Variants in MYT1L observed in about 807,000 individuals in gnomAD.
MYT1L encodes myelin transcription factor 1 like.
In MYT1L, 12 loss-of-function variants were observed where a neutral mutation model predicts 126.7. The observed-to-expected ratio is 0.09, with a 90% CI of 0.06 to 0.15. The LOEUF (loss-of-function observed/expected upper bound fraction) is 0.15. Among genes scored for constraint, MYT1L ranks in the 10% least tolerant of loss-of-function variants. MYT1L has a pLI of 1.00. For synonymous variants in MYT1L, 541 were observed against 604.2 expected, an observed-to-expected ratio of 0.90 and a Z score of 1.53; for missense variants, 979 against 1,585.2, an observed-to-expected ratio of 0.62 and a Z score of 6.49.
In MYT1L at chr2:1,903,113, T is replaced by C; in HGVS notation, c.1999A>G (p.Thr667Ala). Residue 667 changes from threonine to alanine, a missense_variant, in exon 14 of 25, where the codon ACC (threonine) becomes GCC (alanine). This residue lies in a region of MYT1L where 82 missense variants were observed against 177.2 expected (regional missense o/e 0.46). Coordinates refer to ENST00000647738, the MANE Select transcript of MYT1L (RefSeq NM_001303052.2). ...GKRAIAPKVQ[T>A]RDISPKGYDD... ...TATCCTTTGGGGGATATATCCCTGG[T>C]TTGCACCTTGGGAGCTATGGCTCGC... 5.6e-6 allele frequency: 9 copies of C among 1,614,020 alleles called. No homozygotes were observed. Among genetic ancestry groups the C allele is most frequent in the Non-Finnish European group, 6.8e-6 (8 of 1,179,878 alleles).
At chr2:2,107,724 G>A (rs2150543444) in intron 3 of MYT1L, among the ~76,000 whole-genome samples, 1 of 152,276 alleles carries the variant, frequency 6.6e-6, no homozygotes, top group Non-Finnish European at 1.5e-5. Context: ...AATGGGCTGT[G>A]TTTAATTTGT....
intron 3 of MYT1L, among the ~76,000 whole-genome samples, chr2:2,099,893 C>G (rs915657568): frequency 1.3e-5 from 2 of 152,152 alleles, no homozygotes; most frequent in Non-Finnish European, 2.9e-5. Context: ...GGGAGGCTTG[C>G]CAATTATTAA....
intron 3 of MYT1L, among the ~76,000 whole-genome samples, chr2:2,087,578 C>T (rs2076482684): frequency 6.6e-6 from 1 of 152,158 alleles, no homozygotes; most frequent in Admixed American, 6.5e-5. Flanking sequence ...GCAAGGTTGG[C>T]TTTTCAAAAG....
intron 3 of MYT1L, among the ~76,000 whole-genome samples, chr2:2,136,237 T>C (rs2083038625): frequency 6.6e-6 from 1 of 152,220 alleles, no homozygotes; most frequent in Non-Finnish European, 1.5e-5. Flanking sequence ...GAGCAGCCAA[T>C]TTGTTCTTTC....
chr2:2,100,372 A>C (rs2077917817), intron 3 of MYT1L, among the ~76,000 whole-genome samples: 1 of 152,072 alleles, frequency 6.6e-6, no homozygotes, highest in Non-Finnish European at 1.5e-5. Context: ...ATTTTTTTCT[A>C]AACTTTACCT....
chr2:1,861,490 C>G (rs11683007), intron 18 of MYT1L, among the ~76,000 whole-genome samples: 22,668 of 151,352 alleles, frequency 0.15, 2,112 homozygotes, highest in East Asian at 0.34. Context: ...TCTTGTTTGC[C>G]TGGTTTGTGA....
chr2:2,144,413 G>C (rs1449793962), intron 3 of MYT1L, among the ~76,000 whole-genome samples: 1 of 152,182 alleles, frequency 6.6e-6, no homozygotes, highest in East Asian at 1.9e-4. Context: ...CCTCCATATT[G>C]TGTGCTGGAA....
intron 21 of MYT1L, among the ~76,000 whole-genome samples, chr2:1,823,897 T>G (rs561357071): frequency 1.3e-5 from 2 of 152,224 alleles, no homozygotes; most frequent in Admixed American, 1.3e-4. Context: ...GAGCCAAACT[T>G]CAAGAGCTGA....
chr2:2,312,864 T>A (rs1456607797), intron 1 of MYT1L, among the ~76,000 whole-genome samples: 1 of 151,816 alleles, frequency 6.6e-6, no homozygotes, highest in Non-Finnish European at 1.5e-5. Flanking sequence ...AAAGGGGGGT[T>A]CTGGCCAGAA....
chr2:1,956,718 T>C (rs1462441579), intron 8 of MYT1L, among the ~76,000 whole-genome samples: 1 of 152,184 alleles, frequency 6.6e-6, no homozygotes, highest in African/African-American at 2.4e-5. Context: ...ACTTGACAAG[T>C]TGACAAGTTG....
chr2:2,241,294 T>A (rs2094436490), intron 2 of MYT1L, among the ~76,000 whole-genome samples: 1 of 151,926 alleles, frequency 6.6e-6, no homozygotes, highest in South Asian at 2.1e-4. Flanking sequence ...TGTGTGTGTG[T>A]GATACATCCA....
intron 24 of MYT1L, 147 bp from the exon 25 acceptor site, chr2:1,792,154 C>T: frequency 8.2e-7 from 1 of 1,221,656 alleles, no homozygotes; most frequent in Non-Finnish European, 1.1e-6. Context: ...TTTCTGGGGT[C>T]AGCCCCGCCC....
At chr2:2,239,168 C>T (rs1377333430) in intron 2 of MYT1L, among the ~76,000 whole-genome samples, 1 of 152,246 alleles carries the variant, frequency 6.6e-6, no homozygotes, top group Non-Finnish European at 1.5e-5. Context: ...AGTTTAGAGC[C>T]ACCCCCAGCT....
chr2:1,951,467 A>G (rs917409718), intron 8 of MYT1L, among the ~76,000 whole-genome samples: 1 of 152,156 alleles, frequency 6.6e-6, no homozygotes, highest in Non-Finnish European at 1.5e-5. Context: ...CTAGCCCAGG[A>G]GACACAACCA....
chr2:1,865,026 T>C (rs1279282139), intron 18 of MYT1L, among the ~76,000 whole-genome samples: 1 of 152,162 alleles, frequency 6.6e-6, no homozygotes, highest in Non-Finnish European at 1.5e-5. Flanking sequence ...TGCTGCTCTA[T>C]GGGCCCCAGG....
chr2:2,168,939 C>CAGA (rs2089591981), intron 3 of MYT1L, among the ~76,000 whole-genome samples: 1 of 152,208 alleles, frequency 6.6e-6, no homozygotes, highest in Non-Finnish European at 1.5e-5. Flanking sequence ...CCTGGTACCT[C>CAGA]TGTCCACTTC....
intron 18 of MYT1L, among the ~76,000 whole-genome samples, chr2:1,874,575 T>G (rs1251998254): frequency 1.3e-5 from 2 of 152,206 alleles, no homozygotes; most frequent in African/African-American, 2.4e-5. Flanking sequence ...TCCACCAACC[T>G]GTGGTCCAGC....
chr2:2,167,611 C>T (rs986343409), intron 3 of MYT1L, among the ~76,000 whole-genome samples: 1 of 152,226 alleles, frequency 6.6e-6, no homozygotes, highest in Non-Finnish European at 1.5e-5. Flanking sequence ...TCCCGCTTCC[C>T]GCTCCCAAAC....
chr2:1,947,898 C>T (rs562868025), intron 8 of MYT1L, among the ~76,000 whole-genome samples: 100 of 152,170 alleles, frequency 6.6e-4, no homozygotes, highest in African/African-American at 2.4e-3. Flanking sequence ...CACAAACAGC[C>T]TGAGCGTATC....
Sources: gnomAD v4.1 joint callset for allele counts (sites outside exome capture counted in the v4.1 genomes callset) on GRCh38, gnomAD v4.1.1 for gene constraint, gnomAD v4.1.1 regional missense constraint, MANE v1.5 for transcripts, NCBI Gene and HGNC (gene_info 2026-07-23, HGNC 2026-07-21) for gene names.